The following CACNA1C variants were observed in gnomAD, a reference collection of about 807,000 sequenced individuals.
The protein encoded by CACNA1C is calcium voltage-gated channel subunit alpha1 C.
A neutral mutation model predicts 229.0 loss-of-function variants in CACNA1C; 30 were observed. The observed-to-expected ratio is 0.13, with a 90% CI of 0.10 to 0.18. The LOEUF (loss-of-function observed/expected upper bound fraction) is 0.18, where lower values mean the gene tolerates loss of function less well. Ranked by LOEUF, CACNA1C falls within the 10% of genes least tolerant of loss-of-function variation. The pLI is 1.00. For missense variants in CACNA1C, 1,658 were observed against 2,845.0 expected, an observed-to-expected ratio of 0.58 and a Z score of 9.49; for synonymous variants, 1,114 against 1,132.5, an observed-to-expected ratio of 0.98 and a Z score of 0.33.
At chr12:2,059,240 G>A (rs1333622723) in intron 1 of CACNA1C, among the ~76,000 whole-genome samples, 3 of 151,990 alleles carry the variant, frequency 2.0e-5, no homozygotes, top group Non-Finnish European at 4.4e-5. Flanking sequence ...GAAGGTGAGG[G>A]GAAGCCAGAG....
intron 5 of CACNA1C, among the ~76,000 whole-genome samples, chr12:2,462,910 AT>A (rs147569410): frequency 0.25 from 29,748 of 120,618 alleles, 2,752 homozygotes; most frequent in East Asian, 0.56. Flanking sequence ...CAAAAGTTGC[AT>A]TTTTTTTTTT....
rs146364606 is a variant in CACNA1C, at chr12:2,305,606, G to A, written c.478-143370G>A. Among the ~76,000 whole-genome samples, 635 of 152,336 alleles carry A rather than the reference G, an allele frequency of 4.2e-3. 1 individual carries two copies. The highest frequency in any genetic ancestry group is 0.01 in the Middle Eastern group (3 of 294). On this transcript the variant is annotated intron_variant, in intron 3 of 46. Transcript: ENST00000399655. ...TGCCTGTAGTCCCAGCTCTTTGGGA[G>A]GCTGAGGTGGGAGGATCACTTGAGA...
At position 2,597,144 on chromosome 12, in the gene CACNA1C, C is replaced by G; in HGVS notation, c.2794-86C>G. On this transcript the variant is annotated intron_variant, in intron 20 of 46. Coordinates refer to ENST00000399655, the MANE Select transcript of CACNA1C (RefSeq NM_000719.7). This position sits in a 1 kb window ranked among gnomAD's most constrained non-coding sequence, Gnocchi z 4.3. ...CTCATTTTGAAGTGTGGCCCCTTTT[C>G]TGGTGAACATCCACTGACCTCTCTT... The G allele has an allele frequency of 1.2e-6, 1 of 837,596 alleles. No individual in the cohort carries two copies. The highest frequency in any genetic ancestry group is 2.0e-6 in the Non-Finnish European group (1 of 496,154). 51.9% of individuals were successfully genotyped at this position (837,596 alleles called of 1,614,324 possible). A position where few individuals can be genotyped will look rare whatever the true frequency, so the allele number is the denominator to read the frequency against.
At position 2,072,292 on chromosome 12, in the gene CACNA1C, G is replaced by A. The variant is rs997589864; in HGVS notation, c.49+18681G>A. Among the ~76,000 whole-genome samples the A allele has an allele frequency of 7.9e-5, 12 of 152,118 alleles. 1 individual carries two copies. Among genetic ancestry groups the A allele is most frequent in the Admixed American group, 1.3e-4 (2 of 15,282 alleles). Reference sequence around the variant, plus strand: ...TGGCTCACTGCAACCTCCACGTTCCGGGTTCAAGCAGTTCTCCTGCCCCAG... The same window carrying A: ...TGGCTCACTGCAACCTCCACGTTCCAGGTTCAAGCAGTTCTCCTGCCCCAG... On this transcript the variant is annotated intron_variant, in intron 1 of 46. Coordinates refer to ENST00000399655, the MANE Select transcript of CACNA1C (RefSeq NM_000719.7).
rs1423068355 is a variant in CACNA1C, at chr12:2,462,336, C to A, written c.757+4630C>A. ...AGGCCTGCGCACCTCCTCGGCCCGCCCCTTGGCTCAGCTCTCTGCACAGGC... is the reference window on the plus strand; with the variant it reads ...AGGCCTGCGCACCTCCTCGGCCCGCACCTTGGCTCAGCTCTCTGCACAGGC... On this transcript the variant is annotated intron_variant, in intron 5 of 46. Coordinates refer to ENST00000399655, the MANE Select transcript of CACNA1C (RefSeq NM_000719.7). Among the ~76,000 whole-genome samples the A allele has an allele frequency of 8.8e-4, 126 of 142,462 alleles. 2 individuals carry two copies. Among genetic ancestry groups the A allele is most frequent in the African/African-American group, 2.7e-3 (102 of 37,632 alleles). The allele number at this position is 142,462 out of a possible 152,430, so 93.5% of individuals were successfully genotyped here. A position where few individuals can be genotyped will look rare whatever the true frequency, so the allele number is the denominator to read the frequency against.
chr12:2,628,743 C>CAA (rs5796018), intron 29 of CACNA1C, among the ~76,000 whole-genome samples: 41 of 151,166 alleles, frequency 2.7e-4, no homozygotes, highest in Admixed American at 5.9e-4. Flanking sequence ...CTCATCTCTA[C>CAA]AAAAAAAAAT....
chr12:2,008,662 T>G (rs2043887513), intron 1 of CACNA1C, among the ~76,000 whole-genome samples: 1 of 152,222 alleles, frequency 6.6e-6, no homozygotes. Flanking sequence ...TAGCAAGTCC[T>G]GTTCTCTCAG....
chr12:2,031,090 T>C (rs971951861), intron 1 of CACNA1C, among the ~76,000 whole-genome samples: 1 of 152,172 alleles, frequency 6.6e-6, no homozygotes, highest in African/African-American at 2.4e-5. Context: ...GGTTTCCTAA[T>C]GTGAGTTGCT....
intron 3 of CACNA1C, among the ~76,000 whole-genome samples, chr12:2,434,229 A>G (rs2099113427): frequency 6.6e-6 from 1 of 152,126 alleles, no homozygotes; most frequent in Non-Finnish European, 1.5e-5. Context: ...CCCGTCTGTA[A>G]TCCCCACATA....
intron 3 of CACNA1C, among the ~76,000 whole-genome samples, chr12:2,300,631 T>A (rs2094478801): frequency 1.3e-5 from 2 of 151,896 alleles, no homozygotes; most frequent in South Asian, 4.2e-4. Flanking sequence ...TCTAAAAAAA[T>A]AATAATAATA....
chr12:2,113,774 G>C (rs560341175), intron 1 of CACNA1C, among the ~76,000 whole-genome samples: 2 of 152,226 alleles, frequency 1.3e-5, no homozygotes, highest in African/African-American at 4.8e-5. Context: ...AGGCTGAGCT[G>C]ATCGCTTGGC....
intron 5 of CACNA1C, among the ~76,000 whole-genome samples, chr12:2,477,570 G>A (rs1161031631): frequency 6.6e-6 from 1 of 152,108 alleles, no homozygotes; most frequent in East Asian, 1.9e-4. Flanking sequence ...CCATCAACAG[G>A]CTGCCTCATC....
At position 2,246,550 on chromosome 12, in the gene CACNA1C, C is replaced by T. The variant is rs1048020757; in HGVS notation, c.477+126120C>T. ...ACTCCTGTAACTGCTGGACCCATGA[C>T]GACTCTGTGCAATTCATACCGTTGT... On this transcript the variant is annotated intron_variant, in intron 3 of 46. Transcript: ENST00000399655. Among the ~76,000 whole-genome samples, 7 of 152,248 alleles carry T rather than the reference C, an allele frequency of 4.6e-5. No homozygotes were observed. The South Asian group carries it at 1.2e-3, about 27-fold the overall frequency.
rs145720740 is a variant in CACNA1C at position 2,538,608 on chromosome 12, G to T, written c.1391-11335G>T. On this transcript the variant is annotated intron_variant, in intron 9 of 46. Coordinates refer to ENST00000399655, the MANE Select transcript of CACNA1C (RefSeq NM_000719.7). ...CAGAGTTGTACTGTGACCTGCCAAA[G>T]CTTTGGAGCTACTTAGGGCAAGGCC... 3.3e-4 allele frequency among the ~76,000 whole-genome samples: 50 copies of T among 152,254 alleles called. No individual in the cohort carries two copies. In the East Asian group the frequency reaches 8.7e-3, roughly 27 times the overall value.
At chr12:2,163,583 T>C (rs1275292420) in intron 3 of CACNA1C, among the ~76,000 whole-genome samples, 1 of 152,156 alleles carries the variant, frequency 6.6e-6, no homozygotes, top group African/African-American at 2.4e-5. Flanking sequence ...GGAAAATGGC[T>C]TTCAGTGGTG....
intron 3 of CACNA1C, among the ~76,000 whole-genome samples, chr12:2,195,943 C>T (rs1423495698): frequency 6.6e-6 from 1 of 152,148 alleles, no homozygotes; most frequent in Non-Finnish European, 1.5e-5. Context: ...GGTCCGAGCT[C>T]CTGGAGCATC....
chr12:2,283,051 T>C (rs1158302538), intron 3 of CACNA1C, among the ~76,000 whole-genome samples: 1 of 151,990 alleles, frequency 6.6e-6, no homozygotes, highest in Non-Finnish European at 1.5e-5. Flanking sequence ...AACAGAGGCT[T>C]TCCCAGAAGT....
rs368305537 is a variant in CACNA1C at position 2,643,935 on chromosome 12, T to C, written c.3913-4540T>C. Among the ~76,000 whole-genome samples, 41 of 152,302 alleles carry C rather than the reference T, an allele frequency of 2.7e-4. No individual in the cohort carries two copies. The South Asian group carries it at 8.1e-3, about 30-fold the overall frequency. ...CCCAACAGAACCAGCTGTTGTGTCT[T>C]GCAGGTCAAATTGAGATTGGAGGTA... is the stretch of plus-strand genomic sequence containing the variant. On this transcript the variant is annotated intron_variant, in intron 30 of 46. Coordinates refer to ENST00000399655, the MANE Select transcript of CACNA1C (RefSeq NM_000719.7).
intron 3 of CACNA1C, among the ~76,000 whole-genome samples, chr12:2,188,910 G>A (rs867032445): frequency 6.6e-6 from 1 of 151,890 alleles, no homozygotes; most frequent in South Asian, 2.1e-4. Context: ...GGCTAATATG[G>A]TGAAACCCCG....
Sources: allele counts gnomAD v4.1 joint callset (sites outside exome capture counted in the v4.1 genomes callset), GRCh38; gene constraint gnomAD v4.1.1; non-coding constraint Gnocchi (gnomAD v3.1); transcripts MANE v1.5; gene names NCBI Gene and HGNC (gene_info 2026-07-23, HGNC 2026-07-21).